LPP: variants seen among roughly 807,000 people sequenced by gnomAD.
The protein encoded by LPP is LIM domain containing preferred translocation partner in lipoma, also known as lipoma-preferred partner.
A neutral mutation model predicts 60.4 loss-of-function variants in LPP; 38 were observed. The ratio of observed to expected loss-of-function variants is 0.63; its 90% CI spans 0.49 to 0.83. The LOEUF is 0.83. Among genes scored for constraint, LPP ranks in the 40% least tolerant of loss-of-function variants. The pLI is 0.00. For missense variants in LPP, 902 were observed against 783.6 expected, an observed-to-expected ratio of 1.15 and a Z score of -1.80; for synonymous variants, 328 against 290.8, an observed-to-expected ratio of 1.13 and a Z score of -1.30.
upstream of LPP, chr3:188,153,032 G>A (rs918533783): frequency 5.3e-5 from 8 of 152,160 alleles, no homozygotes; most frequent in Admixed American, 3.9e-4. Flanking sequence ...CAGGACAGAG[G>A]AAGTTGCCCT....
chr3:188,640,846 A>G (rs1461629416), intron 7 of LPP, among the ~76,000 whole-genome samples: 5 of 152,208 alleles, frequency 3.3e-5, no homozygotes, highest in African/African-American at 1.2e-4. Flanking sequence ...TGATAACACA[A>G]CTGATTATTG....
At chr3:188,639,378 A>T (rs1251584507) in intron 7 of LPP, among the ~76,000 whole-genome samples, 2 of 151,128 alleles carry the variant, frequency 1.3e-5, no homozygotes, top group Non-Finnish European at 3.0e-5. Context: ...AGATGGATTA[A>T]AGACTTAAAT....
intron 1 of LPP, among the ~76,000 whole-genome samples, chr3:188,183,728 C>T (rs1725767031): frequency 6.7e-6 from 1 of 149,776 alleles, no homozygotes; most frequent in Admixed American, 6.7e-5. Flanking sequence ...CCTGTAACAG[C>T]CATGGGAGGG....
At chr3:188,208,830 C>A (rs1378272963) in intron 1 of LPP, among the ~76,000 whole-genome samples, 1 of 152,244 alleles carries the variant, frequency 6.6e-6, no homozygotes, top group East Asian at 1.9e-4. Flanking sequence ...AACATCAAAT[C>A]ATTTTCCTTT....
At chr3:188,675,939 T>C (rs949812522) in intron 7 of LPP, among the ~76,000 whole-genome samples, 2 of 152,134 alleles carry the variant, frequency 1.3e-5, no homozygotes, top group Non-Finnish European at 2.9e-5. Context: ...CTCTCTTACA[T>C]TGGAATTCTG....
intron 3 of LPP, among the ~76,000 whole-genome samples, chr3:188,394,709 C>A (rs1316696066): frequency 6.6e-6 from 1 of 152,026 alleles, no homozygotes; most frequent in Non-Finnish European, 1.5e-5. Context: ...GTTCTCTCAT[C>A]AAGGGAAACT....
intron 8 of LPP, chr3:188,759,134 T>C (rs1731303477): frequency 6.6e-6 from 1 of 152,202 alleles, no homozygotes; most frequent in African/African-American, 2.4e-5. Flanking sequence ...TGGAGCCACA[T>C]AGAGATATGG....
intron 4 of LPP, among the ~76,000 whole-genome samples, chr3:188,445,552 G>A (rs1345346594): frequency 1.3e-5 from 2 of 151,884 alleles, no homozygotes; most frequent in East Asian, 1.9e-4. Flanking sequence ...ACAGGTTGAC[G>A]GATGCAGCAA....
At chr3:188,405,792 C>A (rs1013355745) in intron 3 of LPP, among the ~76,000 whole-genome samples, 7 of 152,150 alleles carry the variant, frequency 4.6e-5, no homozygotes, top group Non-Finnish European at 8.8e-5. Context: ...ATCTATTTCC[C>A]AAGAGTGGCT....
At chr3:188,445,708 T>C (rs780214762) in intron 4 of LPP, among the ~76,000 whole-genome samples, 18 of 152,154 alleles carry the variant, frequency 1.2e-4, no homozygotes, top group Non-Finnish European at 2.5e-4. Context: ...GAACTCATGA[T>C]GTGCCAGGCA....
intron 9 of LPP, among the ~76,000 whole-genome samples, chr3:188,848,404 C>T (rs1290162004): frequency 1.3e-5 from 2 of 152,212 alleles, no homozygotes; most frequent in African/African-American, 2.4e-5. Context: ...TGATGTCGCA[C>T]TCTTGCTGAT....
intron 2 of LPP, among the ~76,000 whole-genome samples, chr3:188,251,852 C>T (rs1000686421): frequency 6.6e-6 from 1 of 151,502 alleles, no homozygotes; most frequent in African/African-American, 2.4e-5. Flanking sequence ...TAGTTTCCCT[C>T]CTTCCCATCC....
chr3:188,272,911 C>G (rs1394541937), intron 2 of LPP, among the ~76,000 whole-genome samples: 2 of 152,184 alleles, frequency 1.3e-5, no homozygotes, highest in African/African-American at 4.8e-5. Context: ...CACCTATTAA[C>G]TTGTTAGACC....
At chr3:188,683,218 A>G (rs1345558420) in intron 7 of LPP, among the ~76,000 whole-genome samples, 1 of 151,950 alleles carries the variant, frequency 6.6e-6, no homozygotes, top group African/African-American at 2.4e-5. Context: ...AATGAGGTAA[A>G]GGGATGTCTA....
intron 7 of LPP, among the ~76,000 whole-genome samples, chr3:188,650,705 A>AT (rs1289074040): frequency 1.3e-5 from 2 of 152,156 alleles, no homozygotes; most frequent in African/African-American, 4.8e-5. Flanking sequence ...GATTATTAGG[A>AT]TTTTACATTA....
intron 2 of LPP, among the ~76,000 whole-genome samples, chr3:188,311,278 G>C (rs1263519123): frequency 6.6e-6 from 1 of 151,904 alleles, no homozygotes; most frequent in Non-Finnish European, 1.5e-5. Flanking sequence ...TTTGAGACCA[G>C]ACTGGGCAAC....
intron 1 of LPP, among the ~76,000 whole-genome samples, chr3:188,170,957 T>A (rs1473220614): frequency 6.6e-6 from 1 of 152,166 alleles, no homozygotes; most frequent in Non-Finnish European, 1.5e-5. Context: ...TCATGGGAGA[T>A]TTCACGTAAC....
At chr3:188,408,399 C>G (rs1020769802) in intron 4 of LPP, among the ~76,000 whole-genome samples, 2 of 152,132 alleles carry the variant, frequency 1.3e-5, no homozygotes, top group African/African-American at 4.8e-5. Flanking sequence ...GACATGCCCT[C>G]CTTGTACTAT....
At chr3:188,809,342 T>C (rs1750162125) in intron 9 of LPP, among the ~76,000 whole-genome samples, 1 of 152,078 alleles carries the variant, frequency 6.6e-6, no homozygotes. Flanking sequence ...CTGGCCAGCA[T>C]ATATTGTTTC....
Sources: gnomAD v4.1 joint callset for allele counts (sites outside exome capture counted in the v4.1 genomes callset) on GRCh38, gnomAD v4.1.1 for gene constraint, MANE v1.5 for transcripts, NCBI Gene and HGNC (gene_info 2026-07-23, HGNC 2026-07-21) for gene names.